SEPTIN14: variants seen among roughly 807,000 people sequenced by gnomAD.
The protein encoded by SEPTIN14 is septin-14.
In SEPTIN14, 40 loss-of-function variants were observed where a neutral mutation model predicts 53.6. The ratio of observed to expected loss-of-function variants is 0.75; its 90% CI spans 0.58 to 0.97. The LOEUF is 0.97. SEPTIN14 is among the 50% of genes least tolerant of loss of function. SEPTIN14 has a pLI of 0.00. For synonymous variants in SEPTIN14, 138 were observed against 166.8 expected (o/e 0.83, Z 1.33); for missense variants, 471 against 508.2 (o/e 0.93, Z 0.70).
At chr7:55,811,352 C>T (rs1788702370) in intron 7 of SEPTIN14, 1 of 504,174 alleles carries the variant, frequency 2.0e-6, no homozygotes, top group Non-Finnish European at 4.0e-6. Context: ...AGGAGGCGAG[C>T]TTCCACCTCC....
intron 6 of SEPTIN14, among the ~76,000 whole-genome samples, chr7:55,823,085 A>G (rs1788925294): frequency 6.6e-6 from 1 of 152,220 alleles, no homozygotes; most frequent in African/African-American, 2.4e-5. Flanking sequence ...CCCACTTCCA[A>G]CCCAAGGATA....
Position 55,844,762 on chromosome 7 carries a change from T to G in SEPTIN14, c.176-44A>C, listed in dbSNP as rs150139088. The G allele has an allele frequency of 7.0e-3, 7,496 of 1,066,338 alleles. 90 individuals carry two copies. The highest frequency in any genetic ancestry group is 0.018 in the Middle Eastern group (54 of 3,082). The allele number at this position is 1,066,338 out of a possible 1,614,324, so 66.1% of individuals were successfully genotyped here. The stretch of plus-strand genomic sequence containing the variant: ...CATTGTCATAGGGACATAAAGGGGC[T>G]AAGAAAAAGCAACACTTTGAATTCC... On this transcript the variant is annotated intron_variant, in intron 3 of 9. Transcript: ENST00000388975.
At chr7:55,848,244 C>G (rs1789449639) in intron 2 of SEPTIN14, among the ~76,000 whole-genome samples, 1 of 152,152 alleles carries the variant, frequency 6.6e-6, no homozygotes. Context: ...TCACTGCAAC[C>G]TCCATCACCC....
intron 7 of SEPTIN14, among the ~76,000 whole-genome samples, chr7:55,812,566 A>C (rs1025980803): frequency 1.3e-5 from 2 of 152,172 alleles, no homozygotes; most frequent in African/African-American, 4.8e-5. Flanking sequence ...TATATTTCAA[A>C]ATTGCTAAAA....
chr7:55,825,300 C>T (rs544204754), intron 6 of SEPTIN14, among the ~76,000 whole-genome samples: 4 of 151,934 alleles, frequency 2.6e-5, no homozygotes, highest in East Asian at 1.9e-4. Flanking sequence ...TAAAAAATTA[C>T]GGAGAGTAAA....
intron 5 of SEPTIN14, among the ~76,000 whole-genome samples, chr7:55,839,239 A>G (rs1249536338): frequency 1.3e-5 from 2 of 151,896 alleles, no homozygotes; most frequent in African/African-American, 2.4e-5. Flanking sequence ...AGTACAAAAA[A>G]TTAGCCGGGC....
intron 6 of SEPTIN14, among the ~76,000 whole-genome samples, chr7:55,827,055 C>G (rs1316001965): frequency 6.6e-6 from 1 of 152,206 alleles, no homozygotes; most frequent in Non-Finnish European, 1.5e-5. Flanking sequence ...ATATGCCAGC[C>G]TGCTTCTGAT....
chr7:55,850,027 T>G (rs992467927), intron 2 of SEPTIN14, among the ~76,000 whole-genome samples: 3 of 152,282 alleles, frequency 2.0e-5, no homozygotes, highest in Middle Eastern at 6.8e-3. Flanking sequence ...CCAAAAACCT[T>G]TCCACAAAGA....
chr7:55,821,996 A>C (rs1788904079), intron 6 of SEPTIN14, among the ~76,000 whole-genome samples: 1 of 152,196 alleles, frequency 6.6e-6, no homozygotes, highest in Non-Finnish European at 1.5e-5. Context: ...AATTAGGAAG[A>C]AGCAAAAGCA....
intron 2 of SEPTIN14, among the ~76,000 whole-genome samples, chr7:55,853,377 A>G (rs763787039): frequency 3.3e-5 from 5 of 152,230 alleles, no homozygotes; most frequent in Non-Finnish European, 5.9e-5. Context: ...GTTATTTCCA[A>G]CAACATGGAT....
chr7:55,807,398 T>C (rs1186718227), intron 7 of SEPTIN14, 140 bp from the exon 8 acceptor site: 2 of 576,924 alleles, frequency 3.5e-6, no homozygotes, highest in East Asian at 3.1e-5. Flanking sequence ...GCTATAATTC[T>C]TTTAAGCATG....
intron 9 of SEPTIN14, among the ~76,000 whole-genome samples, chr7:55,799,518 CAA>C (rs59445168): frequency 5.2e-4 from 33 of 62,890 alleles, no homozygotes; most frequent in African/African-American, 1.2e-3. Flanking sequence ...ACTCTTGTCT[CAA>C]AAAAAAAAAA....
At chr7:55,836,460 C>G (rs947049955) in intron 5 of SEPTIN14, among the ~76,000 whole-genome samples, 1 of 152,022 alleles carries the variant, frequency 6.6e-6, no homozygotes, top group African/African-American at 2.4e-5. Flanking sequence ...ATGGACAGAC[C>G]GGGCGCAGTG....
At chr7:55,851,880 C>T (rs1414815852) in intron 2 of SEPTIN14, among the ~76,000 whole-genome samples, 4 of 152,114 alleles carry the variant, frequency 2.6e-5, no homozygotes, top group Admixed American at 1.3e-4. Context: ...CAGTGGCTCA[C>T]GCCTGTAATC....
chr7:55,846,350 C>A (rs566810382), intron 3 of SEPTIN14, among the ~76,000 whole-genome samples, 167 bp downstream of exon 3: 2 of 151,300 alleles, frequency 1.3e-5, no homozygotes, highest in African/African-American at 4.9e-5. Flanking sequence ...AAAGTGAGAA[C>A]CTGTCTCAAA....
intron 5 of SEPTIN14, among the ~76,000 whole-genome samples, chr7:55,838,798 G>A (rs1170610519): frequency 1.3e-5 from 2 of 151,828 alleles, no homozygotes; most frequent in African/African-American, 4.8e-5. Flanking sequence ...ATGCTCCTGC[G>A]TTAGCCTCCC....
At chr7:55,846,089 A>ATATATATATATATATATATATC (rs1413807430) in intron 3 of SEPTIN14, among the ~76,000 whole-genome samples, 2 of 130,036 alleles carry the variant, frequency 1.5e-5, no homozygotes, top group Non-Finnish European at 3.3e-5. Flanking sequence ...ATATATATAT[A>ATATATATATATATATATATATC]TATGTATACA....
At chr7:55,819,782 C>T (rs1219364567) in intron 6 of SEPTIN14, among the ~76,000 whole-genome samples, 4 of 152,042 alleles carry the variant, frequency 2.6e-5, no homozygotes, top group Admixed American at 2.0e-4. Flanking sequence ...GTGGGAAACA[C>T]ATAGAAAAAA....
rs769970276 is a variant in SEPTIN14, at chr7:55,843,145, A to G, written c.372-17T>C. ...GGTTGGTAGCTAAAAAAAAATTTAT[A>G]CATTTAGCATAACAGACTAATAAAA... is the stretch of plus-strand genomic sequence containing the variant. On this transcript the variant is annotated splice_polypyrimidine_tract_variant and intron_variant, in intron 4 of 9. Coordinates refer to ENST00000388975, the MANE Select transcript of SEPTIN14 (RefSeq NM_207366.3). 5 of 1,498,604 alleles carry G rather than the reference A, an allele frequency of 3.3e-6. No homozygotes were observed. Among genetic ancestry groups the G allele is most frequent in the South Asian group, 2.6e-5 (2 of 76,592 alleles). 92.8% of individuals were successfully genotyped at this position (1,498,604 alleles called of 1,614,324 possible).
Sources: gnomAD v4.1 joint callset for allele counts (sites outside exome capture counted in the v4.1 genomes callset) on GRCh38, gnomAD v4.1.1 for gene constraint, MANE v1.5 for transcripts, NCBI Gene and HGNC (gene_info 2026-07-23, HGNC 2026-07-21) for gene names.